The following COL13A1 variants were observed in gnomAD, a reference collection of about 807,000 sequenced individuals.
COL13A1 encodes the protein collagen alpha-1(XIII) chain.
In COL13A1, 89 loss-of-function variants were observed where a neutral mutation model predicts 130.9. The ratio of observed to expected loss-of-function variants is 0.68; its 90% CI spans 0.57 to 0.81. The LOEUF (loss-of-function observed/expected upper bound fraction) is 0.81. Among genes scored for constraint, COL13A1 ranks in the 30% least tolerant of loss-of-function variants. The probability of loss-of-function intolerance (pLI) is 0.00; values close to 1 mark genes in which losing one functional copy is unlikely to be tolerated. For synonymous variants in COL13A1, 402 were observed against 341.6 expected, an observed-to-expected ratio of 1.18 and a Z score of -1.95; for missense variants, 879 against 934.6, an observed-to-expected ratio of 0.94 and a Z score of 0.78.
chr10:69,811,472 G>C (rs1843034536), intron 1 of COL13A1, among the ~76,000 whole-genome samples: 1 of 152,184 alleles, frequency 6.6e-6, no homozygotes, highest in Non-Finnish European at 1.5e-5. Flanking sequence ...GGGTTAAAGG[G>C]GCATTTGCCA....
chr10:69,939,475 G>A (rs927339796), intron 34 of COL13A1, among the ~76,000 whole-genome samples: 24 of 152,220 alleles, frequency 1.6e-4, no homozygotes, highest in African/African-American at 5.8e-4. Flanking sequence ...GACCTCTCAA[G>A]ACAACTGAGT....
intron 2 of COL13A1, among the ~76,000 whole-genome samples, chr10:69,826,087 C>T (rs1298956607): frequency 6.6e-6 from 1 of 152,158 alleles, no homozygotes. Context: ...ACTTCCTAGG[C>T]CACTTGAGAA....
intron 17 of COL13A1, among the ~76,000 whole-genome samples, chr10:69,910,709 T>C (rs1277166985): frequency 6.6e-6 from 1 of 152,250 alleles, no homozygotes; most frequent in Non-Finnish European, 1.5e-5. Context: ...TTTATGACAC[T>C]GATCTACTTT....
At chr10:69,956,530 C>T (rs1399350022) in intron 39 of COL13A1, 1 of 172,008 alleles carries the variant, frequency 5.8e-6, no homozygotes, top group Non-Finnish European at 1.3e-5. Context: ...GTCTACATGT[C>T]CTCCTCCCTG....
At chr10:69,849,716 C>T (rs12357951) in intron 2 of COL13A1, among the ~76,000 whole-genome samples, 2 of 152,004 alleles carry the variant, frequency 1.3e-5, no homozygotes, top group Non-Finnish European at 2.9e-5. Flanking sequence ...CCAGCGCAGA[C>T]CTCTGCTGTG....
At chr10:69,950,179 A>G (rs1227431493) in intron 38 of COL13A1, among the ~76,000 whole-genome samples, 1 of 151,914 alleles carries the variant, frequency 6.6e-6, no homozygotes, top group Non-Finnish European at 1.5e-5. Context: ...TATCTCCTCC[A>G]AAGTCCACTG....
intron 10 of COL13A1, 143 bp downstream of exon 10, chr10:69,889,583 C>T (rs2060959638): frequency 9.5e-7 from 1 of 1,057,910 alleles, no homozygotes; most frequent in Non-Finnish European, 1.4e-6. Flanking sequence ...GTGTAAACCA[C>T]ATGCCCTGGA....
chr10:69,921,907 C>T lies in COL13A1; in HGVS notation c.1115C>T (p.Pro372Leu). 2.5e-6 allele frequency: 4 copies of T among 1,607,338 alleles called. No homozygotes were observed. The highest frequency in any genetic ancestry group is 3.4e-6 in the Non-Finnish European group (4 of 1,177,196). Reference sequence around the variant, plus strand: ...GGTGAGAAGGGGGCTGAAGGCTCCCCTGGGCTTCCTGGCCTCCTGGGGCAG... The same window carrying T: ...GGTGAGAAGGGGGCTGAAGGCTCCCTTGGGCTTCCTGGCCTCCTGGGGCAG... ...QRGEKGAEGS[P>L]GLPGLLGQKG... The change falls in exon 22 of 41, where the codon CCT (proline) becomes CTT (leucine). Residue 372 changes from proline to leucine, a missense_variant. By Grantham distance (98) the Pro-to-Leu change is moderately conservative (BLOSUM62 -3). Around this residue, in one of 3 missense-constraint regions of COL13A1, gnomAD observed 715 missense variants for 721.0 expected, o/e 0.99. Coordinates refer to ENST00000645393, the MANE Select transcript of COL13A1 (RefSeq NM_001368882.1).
intron 14 of COL13A1, among the ~76,000 whole-genome samples, chr10:69,901,581 C>A (rs903290596): frequency 6.6e-6 from 1 of 152,214 alleles, no homozygotes; most frequent in Non-Finnish European, 1.5e-5. Context: ...CCAGCCTCCA[C>A]CCTAGAGCTC....
rs1239107412 is a variant in COL13A1 at position 69,945,685 on chromosome 10, C to T, written c.1983C>T (p.Asp661=). The change falls in exon 37 of 41, where the codon GAC becomes GAT. Residue 661 remains aspartate (D), a synonymous_variant. Transcript: ENST00000645393. ...GPKGERGSKG[D]PGMTGPTGAA... ...TCCCATTTCAGGGCAGCAAAGGAGACCCTGGGATGACAGGACCAACGGGAG... is the reference window on the plus strand; with the variant it reads ...TCCCATTTCAGGGCAGCAAAGGAGATCCTGGGATGACAGGACCAACGGGAG... 1 of 1,613,012 alleles carries T rather than the reference C, an allele frequency of 6.2e-7. No homozygotes were observed. The highest frequency in any genetic ancestry group is 8.5e-7 in the Non-Finnish European group (1 of 1,179,590).
intron 17 of COL13A1, among the ~76,000 whole-genome samples, chr10:69,915,392 G>A (rs183937748): frequency 6.6e-6 from 1 of 152,176 alleles, no homozygotes; most frequent in Non-Finnish European, 1.5e-5. Context: ...ATGGTTCAGG[G>A]GTCACTGGTG....
At chr10:69,936,847 A>G in intron 33 of COL13A1, 65 bp downstream of exon 33, 1 of 1,599,386 alleles carries the variant, frequency 6.3e-7, no homozygotes, top group Non-Finnish European at 8.6e-7. Context: ...AGTGCACCTG[A>G]GACCAGCTGA....
chr10:69,921,753 G>A, intron 21 of COL13A1, 129 bp from the exon 22 acceptor site: 1 of 1,238,984 alleles, frequency 8.1e-7, no homozygotes, highest in Non-Finnish European at 1.2e-6. Flanking sequence ...CCTTCAGAAA[G>A]CCAGCTGGGG....
chr10:69,814,307 G>A (rs910905743), intron 1 of COL13A1, among the ~76,000 whole-genome samples: 6 of 152,220 alleles, frequency 3.9e-5, no homozygotes, highest in African/African-American at 1.4e-4. Flanking sequence ...CAGAAGAGGG[G>A]CTCTGAGTTT....
intron 14 of COL13A1, among the ~76,000 whole-genome samples, chr10:69,900,382 G>A (rs3858160): frequency 0.79 from 120,909 of 152,184 alleles, 48,796 homozygotes; most frequent in East Asian, 0.96. Context: ...ACTCAAGAGG[G>A]GTGCAGGATT....
chr10:69,906,152 G>A (rs1269201240), intron 17 of COL13A1, among the ~76,000 whole-genome samples: 3 of 152,252 alleles, frequency 2.0e-5, no homozygotes, highest in African/African-American at 7.2e-5. Flanking sequence ...GGCACTGCAC[G>A]ATTACAGGAG....
chr10:69,815,166 T>C (rs1844131934), intron 1 of COL13A1, among the ~76,000 whole-genome samples: 1 of 152,076 alleles, frequency 6.6e-6, no homozygotes, highest in South Asian at 2.1e-4. Flanking sequence ...TCACCTGGCT[T>C]CTCCCTCTGG....
chr10:69,874,715 A>G (rs1345297029), intron 4 of COL13A1, among the ~76,000 whole-genome samples: 2 of 152,218 alleles, frequency 1.3e-5, no homozygotes, highest in Admixed American at 6.5e-5. Flanking sequence ...CATCTGTCAC[A>G]TGGGAGCTGC....
intron 2 of COL13A1, among the ~76,000 whole-genome samples, chr10:69,866,921 C>T (rs918613823): frequency 4.6e-5 from 7 of 152,182 alleles, no homozygotes; most frequent in African/African-American, 1.7e-4. Context: ...CGGGCAGACA[C>T]ACCAGGCCCA....
Sources: allele counts gnomAD v4.1 joint callset (sites outside exome capture counted in the v4.1 genomes callset), GRCh38; gene constraint gnomAD v4.1.1; regional missense constraint gnomAD v4.1.1; transcripts MANE v1.5; gene names NCBI Gene and HGNC (gene_info 2026-07-23, HGNC 2026-07-21).